The following UACA variants were observed in gnomAD, a reference collection of about 807,000 sequenced individuals.
UACA encodes the protein uveal autoantigen with coiled-coil domains and ankyrin repeats, also known as nuclear membrane binding protein.
UACA carries 112 observed loss-of-function variants against 160.5 expected under a neutral mutation model. The ratio of observed to expected loss-of-function variants is 0.70; its 90% CI spans 0.60 to 0.82. The LOEUF (loss-of-function observed/expected upper bound fraction) is 0.82. Among genes scored for constraint, UACA ranks in the 40% least tolerant of loss-of-function variants. The pLI is 0.00. For missense variants in UACA, 1,574 were observed against 1,614.6 expected (o/e 0.97, Z 0.43); for synonymous variants, 557 against 568.4 (o/e 0.98, Z 0.29).
At position 70,751,832 on chromosome 15, in the gene UACA, T is replaced by C. The variant is rs978063896; in HGVS notation, c.78+11498A>G. 2.6e-5 allele frequency among the ~76,000 whole-genome samples: 4 copies of C among 152,184 alleles called. No homozygotes were observed. The East Asian group carries it at 7.7e-4, about 29-fold the overall frequency. ...TTTTCCTTGTTTACCTACTTATACA[T>C]GGCCATGAATGCTATTTATATTTCA... On this transcript the variant is annotated intron_variant, in intron 1 of 18. Coordinates refer to ENST00000322954, the MANE Select transcript of UACA (RefSeq NM_018003.4).
chr15:70,690,769 T>G (rs1355614559), intron 4 of UACA, among the ~76,000 whole-genome samples: 1 of 152,116 alleles, frequency 6.6e-6, no homozygotes, highest in African/African-American at 2.4e-5. Context: ...AAATATGTAT[T>G]GTTTGGGGTT....
At chr15:70,717,621 C>A (rs997840882) in intron 1 of UACA, among the ~76,000 whole-genome samples, 1 of 152,194 alleles carries the variant, frequency 6.6e-6, no homozygotes. Context: ...TCTGATCAAG[C>A]TAATCTGCAT....
At chr15:70,757,338 A>G (rs1490195877) in intron 1 of UACA, among the ~76,000 whole-genome samples, 1 of 152,200 alleles carries the variant, frequency 6.6e-6, no homozygotes, top group Non-Finnish European at 1.5e-5. Context: ...TTCCACCACA[A>G]GATATATTAT....
At chr15:70,722,494 T>G (rs1019633353) in intron 1 of UACA, among the ~76,000 whole-genome samples, 1 of 152,086 alleles carries the variant, frequency 6.6e-6, no homozygotes, top group Non-Finnish European at 1.5e-5. Context: ...ATTTTTTTAT[T>G]TTTAGTAAAG....
rs1468712893 is a variant in UACA, at chr15:70,667,903, C to T, written c.2781G>A (p.Glu927=). The T allele has an allele frequency of 1.9e-6, 3 of 1,614,014 alleles. No homozygotes were observed. Among genetic ancestry groups the T allele is most frequent in the South Asian group, 2.2e-5 (2 of 91,058 alleles). The change falls in exon 16 of 19, where the codon GAG becomes GAA. Residue 927 remains glutamate, a synonymous_variant. Transcript: ENST00000322954. Reference sequence around the variant, plus strand: ...TTAGCGAGCTCATCTTTGCCTCGTGCTCTGCCAGGCTGATGTACTCAGCTT... The same window carrying T: ...TTAGCGAGCTCATCTTTGCCTCGTGTTCTGCCAGGCTGATGTACTCAGCTT... ...QIKAEYISLA[E]HEAKMSSLSQ...
At chr15:70,697,261 A>G (rs2066792060) in intron 2 of UACA, among the ~76,000 whole-genome samples, 2 of 152,236 alleles carry the variant, frequency 1.3e-5, no homozygotes, top group South Asian at 4.1e-4. Flanking sequence ...GAAGGCCCAG[A>G]GAAGTGCGCT....
chr15:70,692,958 A>G (rs553403002), intron 3 of UACA, among the ~76,000 whole-genome samples: 5 of 152,310 alleles, frequency 3.3e-5, no homozygotes, highest in East Asian at 1.9e-4. Flanking sequence ...AGGTTTTTCA[A>G]TAAGTACAGA....
Position 70,687,565 on chromosome 15 carries a change from C to T in UACA, c.577G>A (p.Val193Ile), listed in dbSNP as rs1897770364. 1.2e-6 allele frequency: 2 copies of T among 1,613,886 alleles called. No homozygotes were observed. Among genetic ancestry groups the T allele is most frequent in the Middle Eastern group, 1.7e-4 (1 of 6,058 alleles). Residue 193 changes from valine to isoleucine, a missense_variant, in exon 7 of 19, where the codon GTT becomes ATT. Transcript: ENST00000322954. ...CTGTTTTGTTTGTCTCTGGAATTAACATCCGCTCCTCTATCTATCAGCAGT... is the reference window on the plus strand; with the variant it reads ...CTGTTTTGTTTGTCTCTGGAATTAATATCCGCTCCTCTATCTATCAGCAGT... ...CQLLIDRGADVNSRDKQNRTA... is the reference protein window; with the variant it reads ...CQLLIDRGADINSRDKQNRTA...
intron 1 of UACA, among the ~76,000 whole-genome samples, chr15:70,721,252 T>C (rs892688468): frequency 3.3e-5 from 5 of 152,150 alleles, no homozygotes; most frequent in Admixed American, 1.3e-4. Flanking sequence ...AGAATGGCTA[T>C]GGGTGTGGGT....
intron 1 of UACA, among the ~76,000 whole-genome samples, chr15:70,709,218 C>A (rs1898607376): frequency 6.6e-6 from 1 of 152,074 alleles, no homozygotes; most frequent in Non-Finnish European, 1.5e-5. Flanking sequence ...TTAATGTTTA[C>A]CATATATTAT....
At chr15:70,712,415 G>A (rs144168675) in intron 1 of UACA, among the ~76,000 whole-genome samples, 82 of 152,046 alleles carry the variant, frequency 5.4e-4, no homozygotes, top group Middle Eastern at 3.4e-3. Context: ...GTTTGTTCTC[G>A]TTCATTCTAG....
At chr15:70,693,353 C>T (rs1414660617) in intron 3 of UACA, among the ~76,000 whole-genome samples, 1 of 152,070 alleles carries the variant, frequency 6.6e-6, no homozygotes, top group East Asian at 1.9e-4. Flanking sequence ...ACCTAAGTAA[C>T]AAATATCTCA....
intron 1 of UACA, among the ~76,000 whole-genome samples, chr15:70,713,578 T>A (rs1045212148): frequency 4.6e-5 from 7 of 152,112 alleles, no homozygotes; most frequent in African/African-American, 9.7e-5. Flanking sequence ...CACCACCAGA[T>A]CTATAATATG....
At chr15:70,777,179 G>A in the UACA span, among the ~76,000 whole-genome samples, 9 of 152,304 alleles carry the variant, frequency 5.9e-5, no homozygotes, top group South Asian at 2.1e-4. Context: ...GCATCTGAGC[G>A]CCTGGAAGGA....
intron 18 of UACA, among the ~76,000 whole-genome samples, chr15:70,659,395 G>GGTTTTTTT (rs1896603979): frequency 5.3e-5 from 1 of 18,818 alleles, no homozygotes; most frequent in Non-Finnish European, 9.6e-5. Context: ...TTTTTTGTTT[G>GGTTTTTTT]TTTTTTTTTT....
intron 1 of UACA, among the ~76,000 whole-genome samples, chr15:70,761,956 A>G (rs770741652): frequency 1.3e-5 from 2 of 152,262 alleles, no homozygotes; most frequent in Admixed American, 6.5e-5. Flanking sequence ...TGTATCTTCT[A>G]TAAGGCTAAA....
chr15:70,681,508 A>G (rs1271166456), intron 9 of UACA: 1 of 152,228 alleles, frequency 6.6e-6, no homozygotes, highest in Non-Finnish European at 1.5e-5. Flanking sequence ...AATATTTCCT[A>G]GAGCACTGAG....
chr15:70,760,609 C>T (rs1227312936), intron 1 of UACA, among the ~76,000 whole-genome samples: 1 of 151,880 alleles, frequency 6.6e-6, no homozygotes, highest in Non-Finnish European at 1.5e-5. Context: ...GAGATTGAGA[C>T]CATCCTGGAC....
chr15:70,665,402 G>A (rs1896868215), intron 16 of UACA, among the ~76,000 whole-genome samples: 1 of 152,118 alleles, frequency 6.6e-6, no homozygotes, highest in South Asian at 2.1e-4. Context: ...TTACTTTTCT[G>A]AGCCTTAGAT....
Sources: allele counts gnomAD v4.1 joint callset (sites outside exome capture counted in the v4.1 genomes callset), GRCh38; gene constraint gnomAD v4.1.1; transcripts MANE v1.5; gene names NCBI Gene and HGNC (gene_info 2026-07-23, HGNC 2026-07-21).